The following SIK3 variants were observed in gnomAD, a reference collection of about 807,000 sequenced individuals.
The protein encoded by SIK3 is serine/threonine-protein kinase SIK3.
Under a neutral mutation model 144.2 loss-of-function variants are expected in SIK3, and 28 were observed. That is an observed-to-expected ratio of 0.19 (90% CI 0.14 to 0.27). The LOEUF is 0.27. Among genes scored for constraint, SIK3 ranks in the 10% least tolerant of loss-of-function variants. SIK3 has a pLI of 1.00. For missense variants in SIK3, 1,319 were observed against 1,776.0 expected, an observed-to-expected ratio of 0.74 and a Z score of 4.62; for synonymous variants, 686 against 676.3, an observed-to-expected ratio of 1.01 and a Z score of -0.22.
At chr11:116,986,938 A>T (rs770373079) in intron 1 of SIK3, among the ~76,000 whole-genome samples, 2 of 152,214 alleles carry the variant, frequency 1.3e-5, no homozygotes, top group Non-Finnish European at 2.9e-5. Context: ...AACAGAAAGC[A>T]GAATGGTGGT....
intron 1 of SIK3, among the ~76,000 whole-genome samples, chr11:117,056,627 G>C (rs147184172): frequency 8.6e-5 from 13 of 150,770 alleles, no homozygotes; most frequent in Middle Eastern, 3.4e-3. Flanking sequence ...TGGCAGAATG[G>C]GATCAGGACA....
chr11:117,048,674 A>G (rs1271459063), intron 1 of SIK3, among the ~76,000 whole-genome samples: 1 of 152,108 alleles, frequency 6.6e-6, no homozygotes, highest in Non-Finnish European at 1.5e-5. Context: ...AAACTTTCCC[A>G]TTAATTCATT....
intron 1 of SIK3, among the ~76,000 whole-genome samples, chr11:117,063,700 C>T (rs534262532): frequency 5.3e-5 from 8 of 151,394 alleles, no homozygotes; most frequent in Admixed American, 2.6e-4. Context: ...TCCCAAGTAG[C>T]TGGAATTACA....
chr11:116,876,030 A>G (rs369537914), intron 8 of SIK3, 21 bp from the exon 9 acceptor site: 2 of 1,613,188 alleles, frequency 1.2e-6, no homozygotes, highest in East Asian at 4.5e-5. Context: ...AGAAGGGAAA[A>G]GAGTACAAAA....
chr11:116,926,500 TATC>T lies in SIK3; in HGVS notation c.616+716_616+718del, dbSNP rs546178032. Among the ~76,000 whole-genome samples the T allele has an allele frequency of 1.4e-4, 21 of 152,318 alleles. No individual in the cohort carries two copies. In the East Asian group the frequency reaches 3.9e-3, roughly 28 times the overall value. On this transcript the variant is annotated intron_variant, in intron 4 of 24. Coordinates refer to ENST00000445177, the MANE Select transcript of SIK3 (RefSeq NM_001366686.3). The stretch of plus-strand genomic sequence containing the variant: ...ACTCTAAGATCTATTTTTCCTAAAT[TATC>T]ATACAATTACAGCCTTTAGAATAAG...
chr11:116,988,598 C>T (rs1950401891), intron 1 of SIK3, among the ~76,000 whole-genome samples: 1 of 151,748 alleles, frequency 6.6e-6, no homozygotes, highest in Admixed American at 6.6e-5. Context: ...CTAGGCAACA[C>T]AGCAAGACCC....
intron 1 of SIK3, among the ~76,000 whole-genome samples, chr11:117,070,245 A>G (rs1348407809): frequency 6.6e-6 from 1 of 152,236 alleles, no homozygotes; most frequent in Non-Finnish European, 1.5e-5. Flanking sequence ...ACAGATTAAC[A>G]GAAGCAGATA....
At chr11:117,086,270 T>G (rs1278354451) in intron 1 of SIK3, among the ~76,000 whole-genome samples, 1 of 152,236 alleles carries the variant, frequency 6.6e-6, no homozygotes, top group East Asian at 1.9e-4. Context: ...ACCATATTTA[T>G]TCATATAACT....
chr11:117,047,048 A>G (rs1439712274), intron 1 of SIK3, among the ~76,000 whole-genome samples: 14 of 152,174 alleles, frequency 9.2e-5, no homozygotes, highest in Admixed American at 9.2e-4. Context: ...CTGTATTTCT[A>G]TTCTGCTTCT....
intron 1 of SIK3, among the ~76,000 whole-genome samples, chr11:116,987,835 A>C (rs1394335882): frequency 6.6e-6 from 1 of 152,204 alleles, no homozygotes; most frequent in African/African-American, 2.4e-5. Flanking sequence ...AAGAATCATT[A>C]TGCAGAGAAC....
intron 1 of SIK3, among the ~76,000 whole-genome samples, chr11:116,963,614 T>C (rs560374703): frequency 1.6e-4 from 25 of 152,344 alleles, no homozygotes; most frequent in East Asian, 3.9e-4. Flanking sequence ...TGAAACAGTA[T>C]TGGAGTCTAT....
intron 1 of SIK3, among the ~76,000 whole-genome samples, chr11:117,012,862 T>TTC (rs1405581632): frequency 6.8e-6 from 1 of 146,154 alleles, no homozygotes; most frequent in Non-Finnish European, 1.5e-5. Context: ...TTTTTTTTTT[T>TTC]TTTTTTTGAG....
rs538654604 is a variant in SIK3 at position 116,958,531 on chromosome 11, CT to C, written c.274-1468del. Among the ~76,000 whole-genome samples, 124 of 152,180 alleles carry C rather than the reference CT, an allele frequency of 8.1e-4. 1 individual carries two copies. Among genetic ancestry groups the C allele is most frequent in the African/African-American group, 2.9e-3 (122 of 41,510 alleles). On this transcript the variant is annotated intron_variant, in intron 1 of 24. Coordinates refer to ENST00000445177, the MANE Select transcript of SIK3 (RefSeq NM_001366686.3). ...TAAAAAGGAAAAAAGATGTGTGGAA[CT>C]GAAAACAATGCAGCATTGGAAGTAC...
chr11:117,000,749 A>T (rs1950819914), intron 1 of SIK3, among the ~76,000 whole-genome samples: 1 of 152,228 alleles, frequency 6.6e-6, no homozygotes, highest in Non-Finnish European at 1.5e-5. Flanking sequence ...GTTTTTAATG[A>T]ATGCATTTCT....
intron 4 of SIK3, among the ~76,000 whole-genome samples, chr11:116,925,437 G>A: frequency 6.6e-6 from 1 of 152,184 alleles, no homozygotes; most frequent in Non-Finnish European, 1.5e-5. Context: ...GAATGCAGGT[G>A]ACCTTTAGAA....
At position 116,859,617 on chromosome 11, in the gene SIK3, G is replaced by C; in HGVS notation, c.2426-13C>G. 6.2e-7 allele frequency: 1 copy of C among 1,608,136 alleles called. No individual in the cohort carries two copies. The highest frequency in any genetic ancestry group is 8.5e-7 in the Non-Finnish European group (1 of 1,176,304). ...GAAGATGCAGCCCCTGGAGAGAAAG[G>C]AACCTCAGAGTGACCAAGTGCCCAG... On this transcript the variant is annotated splice_polypyrimidine_tract_variant and intron_variant, in intron 19 of 24. Coordinates refer to ENST00000445177, the MANE Select transcript of SIK3 (RefSeq NM_001366686.3).
intron 1 of SIK3, among the ~76,000 whole-genome samples, chr11:116,981,813 C>A (rs1033183791): frequency 2.0e-5 from 3 of 152,140 alleles, no homozygotes; most frequent in African/African-American, 7.2e-5. Flanking sequence ...AGGAGTTCAA[C>A]ACTAGCCTGG....
intron 4 of SIK3, among the ~76,000 whole-genome samples, chr11:116,911,530 T>C (rs1006972657): frequency 7.9e-5 from 12 of 152,014 alleles, no homozygotes; most frequent in South Asian, 4.2e-4. Flanking sequence ...ATGATGACTA[T>C]ATGGAGCAAC....
intron 3 of SIK3, among the ~76,000 whole-genome samples, chr11:116,928,738 A>T (rs1433281705): frequency 6.6e-6 from 1 of 152,190 alleles, no homozygotes; most frequent in Non-Finnish European, 1.5e-5. Context: ...GACCACAAGA[A>T]ATATAACATT....
Sources: gnomAD v4.1 joint callset for allele counts (sites outside exome capture counted in the v4.1 genomes callset) on GRCh38, gnomAD v4.1.1 for gene constraint, MANE v1.5 for transcripts, NCBI Gene and HGNC (gene_info 2026-07-23, HGNC 2026-07-21) for gene names.